The following PLCZ1 variants were observed in gnomAD, a reference collection of about 807,000 sequenced individuals.
The protein encoded by PLCZ1 is phospholipase C zeta 1, also known as 1-phosphatidylinositol 4,5-bisphosphate phosphodiesterase zeta-1.
A neutral mutation model predicts 76.8 loss-of-function variants in PLCZ1; 64 were observed. The ratio of observed to expected loss-of-function variants is 0.83; its 90% confidence interval spans 0.68 to 1.03. PLCZ1 has a LOEUF of 1.03. Ranked by LOEUF, PLCZ1 falls within the 50% of genes least tolerant of loss-of-function variation. The pLI is 0.00. For missense variants in PLCZ1, 751 were observed against 713.7 expected (o/e 1.05, Z -0.60); for synonymous variants, 248 against 230.8 (o/e 1.07, Z -0.68).
intron 5 of PLCZ1, among the ~76,000 whole-genome samples, chr12:18,718,148 A>C (rs146443853): frequency 1.0e-3 from 158 of 152,254 alleles, no homozygotes; most frequent in Middle Eastern, 3.4e-3. Flanking sequence ...GGTAGATTAG[A>C]TATACTAAAT....
the PLCZ1 span, among the ~76,000 whole-genome samples, chr12:18,667,056 C>T: frequency 5.9e-5 from 9 of 152,174 alleles, no homozygotes; most frequent in South Asian, 1.9e-3. Context: ...AGTGCATCCT[C>T]AATGCATCAC....
chr12:18,736,438 T>C, intron 2 of PLCZ1, 94 bp from the exon 3 acceptor site: 1 of 1,362,072 alleles, frequency 7.3e-7, no homozygotes. Context: ...ATTATTTTTA[T>C]TTTTAAAGAA....
At chr12:18,657,750 T>C in the PLCZ1 span, among the ~76,000 whole-genome samples, 3 of 152,086 alleles carry the variant, frequency 2.0e-5, no homozygotes, top group African/African-American at 7.2e-5. Flanking sequence ...CACTATAATA[T>C]TCAAAATGTT....
Position 18,689,057 on chromosome 12 carries a change from C to T in PLCZ1, c.1462-839G>A, listed in dbSNP as rs531281856. Among the ~76,000 whole-genome samples the T allele has an allele frequency of 7.2e-4, 109 of 152,102 alleles. 1 individual carries two copies. Among genetic ancestry groups the T allele is most frequent in the Non-Finnish European group, 1.3e-3 (85 of 67,968 alleles). On this transcript the variant is annotated intron_variant, in intron 12 of 14. Transcript: ENST00000266505. ...TGATTTTTCCTAATTCCACAGATTACGGCATTAGCTAGAAGCCAGTATGAC... is the reference window on the plus strand; with the variant it reads ...TGATTTTTCCTAATTCCACAGATTATGGCATTAGCTAGAAGCCAGTATGAC...
intron 13 of PLCZ1, among the ~76,000 whole-genome samples, chr12:18,687,826 CAT>C (rs779915592): frequency 6.6e-6 from 1 of 151,850 alleles, no homozygotes; most frequent in Non-Finnish European, 1.5e-5. Flanking sequence ...TGAGAGAAAA[CAT>C]AAAAAAGAGG....
At position 18,699,874 on chromosome 12, in the gene PLCZ1, T is replaced by G; in HGVS notation, c.1094A>C (p.Gln365Pro). 1 of 1,612,936 alleles carries G rather than the reference T, an allele frequency of 6.2e-7. No homozygotes were observed. Among genetic ancestry groups the G allele is most frequent in the African/African-American group, 1.3e-5 (1 of 75,008 alleles). ...AAATTGCTGATATAATCTTGAATGTTGAAAGCTTTTGAATTTCTCAGCTTT... is the reference window on the plus strand; with the variant it reads ...AAATTGCTGATATAATCTTGAATGTGGAAAGCTTTTGAATTTCTCAGCTTT... ...YTKAEKFKSF[Q>P]HSRLYQQFNE... The change falls in exon 10 of 15, where the codon CAA becomes CCA. Residue 365 changes from glutamine to proline, a missense_variant. Gln to Pro is a moderately conservative substitution (Grantham distance 76). Transcript: ENST00000266505.
At chr12:18,690,993 T>A (rs1333253965) in intron 12 of PLCZ1, among the ~76,000 whole-genome samples, 1 of 152,074 alleles carries the variant, frequency 6.6e-6, no homozygotes, top group Non-Finnish European at 1.5e-5. Context: ...GGTCAACTTG[T>A]GGAGAATAGA....
intron 12 of PLCZ1, chr12:18,694,233 G>T: frequency 1.6e-6 from 1 of 606,880 alleles, no homozygotes; most frequent in African/African-American, 1.9e-5. Flanking sequence ...GTCTTTTGGA[G>T]TACGATGTGT....
chr12:18,661,150 A>ACG, the PLCZ1 span, among the ~76,000 whole-genome samples: 1 of 152,104 alleles, frequency 6.6e-6, no homozygotes, highest in East Asian at 1.9e-4. Context: ...ACAGAGCCTA[A>ACG]CCAACCTGTA....
chr12:18,666,138 C>G, the PLCZ1 span, among the ~76,000 whole-genome samples: 1 of 151,384 alleles, frequency 6.6e-6, no homozygotes, highest in Non-Finnish European at 1.5e-5. Context: ...TCAAGTGACA[C>G]TAGAAAATAT....
intron 6 of PLCZ1, among the ~76,000 whole-genome samples, chr12:18,705,896 A>T (rs1956540749): frequency 6.6e-6 from 1 of 151,114 alleles, no homozygotes; most frequent in South Asian, 2.1e-4. Context: ...TAAATAAATT[A>T]TACCATATCC....
At chr12:18,705,735 G>A (rs1207938764) in intron 6 of PLCZ1, among the ~76,000 whole-genome samples, 1 of 151,488 alleles carries the variant, frequency 6.6e-6, no homozygotes, top group African/African-American at 2.4e-5. Context: ...GTGTGGTAGT[G>A]TGTGCCTGTA....
rs749343276 is a variant in PLCZ1 at position 18,701,649 on chromosome 12, T to A, written c.949+43A>T. On this transcript the variant is annotated intron_variant, in intron 8 of 14. Transcript: ENST00000266505. ...CTCCTCCTCCTCCTCCTCCTCCTCCTCCTCTCCATCTGCCACTTCTTCTTC... is the reference window on the plus strand; with the variant it reads ...CTCCTCCTCCTCCTCCTCCTCCTCCACCTCTCCATCTGCCACTTCTTCTTC... The A allele has an allele frequency of 3.5e-5, 52 of 1,500,090 alleles. No individual in the cohort carries two copies. In the Admixed American group the frequency reaches 6.8e-4, roughly 19 times the overall value. 92.9% of individuals were successfully genotyped at this position (1,500,090 alleles called of 1,614,324 possible).
At chr12:18,707,390 CATGAG>C (rs927143144) in intron 6 of PLCZ1, among the ~76,000 whole-genome samples, 3 of 152,070 alleles carry the variant, frequency 2.0e-5, no homozygotes, top group African/African-American at 7.2e-5. Flanking sequence ...TGGATTCTTC[CATGAG>C]GCCCTGATGT....
At chr12:18,651,654 T>C in the PLCZ1 span, among the ~76,000 whole-genome samples, 101,278 of 151,972 alleles carry the variant, frequency 0.67, 34,080 homozygotes, top group East Asian at 0.91. Context: ...CCTAAGGACC[T>C]TGGAACTTCC....
chr12:18,710,517 C>T (rs145292381), intron 6 of PLCZ1, among the ~76,000 whole-genome samples: 5 of 151,820 alleles, frequency 3.3e-5, no homozygotes, highest in African/African-American at 1.2e-4. Flanking sequence ...TGAGTGAGGC[C>T]GAAGGCTTTG....
intron 6 of PLCZ1, among the ~76,000 whole-genome samples, chr12:18,710,329 G>T (rs560703840): frequency 6.6e-6 from 1 of 151,540 alleles, no homozygotes; most frequent in Non-Finnish European, 1.5e-5. Flanking sequence ...TTTGGGAAGA[G>T]TATTTCATAT....
the PLCZ1 span, among the ~76,000 whole-genome samples, chr12:18,654,062 A>G: frequency 6.6e-6 from 1 of 152,206 alleles, no homozygotes; most frequent in East Asian, 1.9e-4. Flanking sequence ...GGAAAATAAA[A>G]TAGAATGTGT....
chr12:18,646,851 C>T, the PLCZ1 span, among the ~76,000 whole-genome samples: 2 of 151,816 alleles, frequency 1.3e-5, no homozygotes, highest in Admixed American at 6.6e-5. Context: ...TGCAGGTTGC[C>T]GATGGACCTG....
Sources: allele counts gnomAD v4.1 joint callset (sites outside exome capture counted in the v4.1 genomes callset), GRCh38; gene constraint gnomAD v4.1.1; transcripts MANE v1.5; gene names NCBI Gene and HGNC (gene_info 2026-07-23, HGNC 2026-07-21).